The following STAT5A variants were observed in gnomAD, a reference collection of about 807,000 sequenced individuals.
STAT5A encodes the protein epididymis secretory sperm binding protein.
STAT5A carries 26 observed loss-of-function variants against 100.2 expected under a neutral mutation model. The ratio of observed to expected loss-of-function variants is 0.26; its 90% CI spans 0.19 to 0.36. STAT5A has a LOEUF of 0.36. Among genes scored for constraint, STAT5A ranks in the 10% least tolerant of loss-of-function variants. The probability of loss-of-function intolerance (pLI) is 1.00; values close to 1 mark genes in which losing one functional copy is unlikely to be tolerated. For missense variants in STAT5A, 634 were observed against 1,027.5 expected, an observed-to-expected ratio of 0.62 and a Z score of 5.24; for synonymous variants, 330 against 424.3, an observed-to-expected ratio of 0.78 and a Z score of 2.73.
chr17:42,308,626 C>T lies in STAT5A; in HGVS notation c.2062+293C>T. 3 of 511,054 alleles carry T rather than the reference C, an allele frequency of 5.9e-6. No homozygotes were observed. The highest frequency in any genetic ancestry group is 2.2e-5 in the South Asian group (1 of 45,080). 31.7% of individuals were successfully genotyped at this position (511,054 alleles called of 1,614,324 possible). A position where few individuals can be genotyped will look rare whatever the true frequency, so the allele number is the denominator to read the frequency against. On this transcript the variant is annotated intron_variant, in intron 16 of 18. Transcript: ENST00000590949. This position sits in a 1 kb window ranked among gnomAD's most constrained non-coding sequence, Gnocchi z 4.6. Reference sequence around the variant, plus strand: ...ACTGTAGGGAGTGGCCGGGATCATTCGAGCCCACAGATAGTGCTCCGCTCC... The same window carrying T: ...ACTGTAGGGAGTGGCCGGGATCATTTGAGCCCACAGATAGTGCTCCGCTCC...
intron 7 of STAT5A, among the ~76,000 whole-genome samples, 159 bp from the exon 8 acceptor site, chr17:42,300,556 G>A (rs559264547): frequency 8.5e-5 from 13 of 152,080 alleles, no homozygotes; most frequent in African/African-American, 2.4e-4. Context: ...TCCTGTGTAC[G>A]TCTCTAATTC....
At chr17:42,305,066 G>A (rs1306215478) in intron 11 of STAT5A, among the ~76,000 whole-genome samples, 1 of 152,124 alleles carries the variant, frequency 6.6e-6, no homozygotes, top group Non-Finnish European at 1.5e-5. Flanking sequence ...TGGGCATGGT[G>A]GCCTGCACCT....
intron 11 of STAT5A, 148 bp from the exon 12 acceptor site, chr17:42,305,462 A>C: frequency 1.6e-6 from 1 of 612,236 alleles, no homozygotes; most frequent in Non-Finnish European, 2.8e-6. Flanking sequence ...AGATTGCACC[A>C]TTGCACTCCA....
At chr17:42,309,639 C>G (rs1385218625) in intron 18 of STAT5A, 155 bp downstream of exon 18, 1 of 708,744 alleles carries the variant, frequency 1.4e-6, no homozygotes, top group Non-Finnish European at 2.3e-6. Context: ...CATTTTGAAG[C>G]TAGACATAGC....
chr17:42,291,253 T>G (rs1470337582), intron 3 of STAT5A, among the ~76,000 whole-genome samples: 3 of 152,218 alleles, frequency 2.0e-5, no homozygotes, highest in Non-Finnish European at 4.4e-5. Flanking sequence ...CAGGCTGTAA[T>G]GCGAGCAATA....
rs776738710 is a variant in STAT5A, at chr17:42,307,384, G to T, written c.1681-18G>T. On this transcript the variant is annotated intron_variant, in intron 13 of 18. Transcript: ENST00000590949. Reference sequence around the variant, plus strand: ...ACCTGGGGCACCAGCCCTGACTCGGGGGTTCCTGGGCCCTCAGGAGAACTT... The same window carrying T: ...ACCTGGGGCACCAGCCCTGACTCGGTGGTTCCTGGGCCCTCAGGAGAACTT... The T allele has an allele frequency of 2.5e-6, 4 of 1,611,940 alleles. No homozygotes were observed. The highest frequency in any genetic ancestry group is 3.4e-6 in the Non-Finnish European group (4 of 1,179,052).
intron 5 of STAT5A, among the ~76,000 whole-genome samples, chr17:42,297,133 G>T (rs9908318): frequency 0.37 from 55,999 of 151,538 alleles, 11,997 homozygotes; most frequent in African/African-American, 0.6. Flanking sequence ...ATACAGGGTT[G>T]TGCCGTGTTG....
intron 5 of STAT5A, among the ~76,000 whole-genome samples, chr17:42,299,157 G>A (rs987994389): frequency 5.4e-4 from 82 of 152,144 alleles, no homozygotes; most frequent in Non-Finnish European, 1.0e-3. Context: ...GGATGGGGCC[G>A]AGCAGCTGCT....
intron 5 of STAT5A, among the ~76,000 whole-genome samples, chr17:42,297,025 G>A (rs2080925222): frequency 6.6e-6 from 1 of 152,108 alleles, no homozygotes; most frequent in Non-Finnish European, 1.5e-5. Flanking sequence ...CTGCCTCTCA[G>A]GTTCAAACTA....
chr17:42,296,042 G>T (rs548161406), intron 5 of STAT5A, among the ~76,000 whole-genome samples: 1 of 152,310 alleles, frequency 6.6e-6, no homozygotes, highest in African/African-American at 2.4e-5. Flanking sequence ...GATGGTAAAA[G>T]TGAGGTTCAA....
chr17:42,309,249 C>T (rs2081057578), intron 17 of STAT5A, 128 bp from the exon 18 acceptor site: 2 of 1,538,354 alleles, frequency 1.3e-6, no homozygotes, highest in Non-Finnish European at 1.8e-6. Flanking sequence ...TAGCTGGAGC[C>T]CCAGGGCCGA....
chr17:42,309,436 C>T lies in STAT5A; in HGVS notation c.2174C>T (p.Pro725Leu). The part of the protein sequence containing the change: ...GSSATYMDQA[P>L]SPAVCPQAPY... The stretch of plus-strand genomic sequence containing the variant: ...AGCGCCACGTACATGGACCAGGCCC[C>T]CTCCCCAGCTGTGTGCCCCCAGGCT... Residue 725 changes from proline to leucine, a missense_variant, in exon 18 of 19, where the codon CCC (proline) becomes CTC (leucine). Physicochemically the swap from Pro to Leu is moderately conservative, Grantham distance 98. Around this residue, in one of 5 missense-constraint regions of STAT5A, gnomAD observed 88 missense variants for 95.1 expected, o/e 0.92. Transcript: ENST00000590949. 6.2e-7 allele frequency: 1 copy of T among 1,613,850 alleles called. No individual in the cohort carries two copies. Among genetic ancestry groups the T allele is most frequent in the Non-Finnish European group, 8.5e-7 (1 of 1,179,996 alleles).
At chr17:42,289,314 A>G (rs1419225716) in intron 1 of STAT5A, 88 bp from the exon 2 acceptor site, 2 of 1,411,128 alleles carry the variant, frequency 1.4e-6, no homozygotes, top group East Asian at 2.6e-5. Flanking sequence ...GCCGCGGTCC[A>G]GGGATAGGTA....
rs2080863015 is a variant in STAT5A at position 42,290,891 on chromosome 17, G to A, written c.285+869G>A. ...CCACCACTTTTTGGCACCAGGGACC[G>A]GTTTCATGGAAGACAATTTTTCCAT... is the stretch of plus-strand genomic sequence containing the variant. On this transcript the variant is annotated intron_variant, in intron 3 of 18. Coordinates refer to ENST00000590949, the MANE Select transcript of STAT5A (RefSeq NM_001288718.2). 2.0e-5 allele frequency among the ~76,000 whole-genome samples: 3 copies of A among 152,312 alleles called. No homozygotes were observed. In the South Asian group the frequency reaches 6.2e-4, roughly 32 times the overall value.
At chr17:42,288,207 C>T (rs1324394966), upstream of STAT5A, 2 of 152,234 alleles carry the variant, frequency 1.3e-5, no homozygotes, top group African/African-American at 4.8e-5. The surrounding 1 kb of genome is among the most constrained non-coding windows in gnomAD (Gnocchi z 4.8). Context: ...CCACATTCCC[C>T]CGGCTATTCT....
At chr17:42,292,678 G>A (rs2080882025) in intron 4 of STAT5A, among the ~76,000 whole-genome samples, 1 of 148,748 alleles carries the variant, frequency 6.7e-6, no homozygotes, top group African/African-American at 2.5e-5. Flanking sequence ...CCAGGCTGGA[G>A]TGCAGTGATG....
chr17:42,301,335 C>T lies in STAT5A; in HGVS notation c.1050C>T (p.Ala350=), dbSNP rs748098233. 9 of 1,614,190 alleles carry T rather than the reference C, an allele frequency of 5.6e-6. No homozygotes were observed. The highest frequency in any genetic ancestry group is 8.5e-7 in the Non-Finnish European group (1 of 1,180,036). ...QVLKTQTKFA[A]TVRLLVGGKL... ...TGAAGACCCAGACCAAGTTTGCAGC[C>T]ACCGTACGCCTGCTGGTGGGCGGGA... The change falls in exon 9 of 19, where the codon GCC becomes GCT. Residue 350 remains alanine, a synonymous_variant. Transcript: ENST00000590949.
chr17:42,301,058 A>C (rs2467652), intron 8 of STAT5A, among the ~76,000 whole-genome samples, 188 bp downstream of exon 8: 3,079 of 152,080 alleles, frequency 0.02, 98 homozygotes, highest in African/African-American at 0.07. Flanking sequence ...TGCAAGAGAT[A>C]CCCTGGGCCG....
chr17:42,288,081 A>G (rs993180618), upstream of STAT5A: 2 of 152,148 alleles, frequency 1.3e-5, no homozygotes, highest in Admixed American at 1.3e-4. This position sits in a 1 kb window ranked among gnomAD's most constrained non-coding sequence, Gnocchi z 4.8. Flanking sequence ...CACGCGCCAG[A>G]GCTGGAAGGC....
Sources: allele counts gnomAD v4.1 joint callset (sites outside exome capture counted in the v4.1 genomes callset), GRCh38; gene constraint gnomAD v4.1.1; regional missense constraint gnomAD v4.1.1; non-coding constraint Gnocchi (gnomAD v3.1); transcripts MANE v1.5; gene names NCBI Gene and HGNC (gene_info 2026-07-23, HGNC 2026-07-21).